Variants in ZDHHC18 observed in about 807,000 individuals in gnomAD.
The protein encoded by ZDHHC18 is zDHHC palmitoyltransferase 18.
A neutral mutation model predicts 37.5 loss-of-function variants in ZDHHC18; 23 were observed. That is an observed-to-expected ratio of 0.61 (90% CI 0.44 to 0.87). The LOEUF is 0.87. Among genes scored for constraint, ZDHHC18 ranks in the 40% least tolerant of loss-of-function variants. The pLI is 0.00. For missense variants in ZDHHC18, 406 were observed against 525.6 expected, an observed-to-expected ratio of 0.77 and a Z score of 2.22; for synonymous variants, 185 against 218.7, an observed-to-expected ratio of 0.85 and a Z score of 1.36.
At chr1:26,836,694 G>A (rs12757707) in intron 2 of ZDHHC18, among the ~76,000 whole-genome samples, 2 of 148,628 alleles carry the variant, frequency 1.3e-5, no homozygotes, top group African/African-American at 4.9e-5. Flanking sequence ...TCAGCCTCCC[G>A]AGTAGCTGGG....
At chr1:26,840,663 A>G (rs189033348) in intron 2 of ZDHHC18, among the ~76,000 whole-genome samples, 28 of 152,134 alleles carry the variant, frequency 1.8e-4, no homozygotes, top group Middle Eastern at 3.4e-3. Flanking sequence ...GCTGGTCTTG[A>G]ACTCCTGACC....
intron 7 of ZDHHC18, 60 bp downstream of exon 7, chr1:26,852,925 G>A: frequency 6.6e-7 from 1 of 1,522,378 alleles, no homozygotes; most frequent in Non-Finnish European, 9.1e-7. Flanking sequence ...TGATCAAAGT[G>A]TTCCTGGATA....
Position 26,852,876 on chromosome 1 carries a change from G to A in ZDHHC18, c.1049+11G>A, listed in dbSNP as rs148310742. ...CCCCCTACCTCCCAGGTAAGTGAGC[G>A]GGGTGCGGAAGAGGGGTAACAGGGC... On this transcript the variant is annotated intron_variant, in intron 7 of 7. Transcript: ENST00000374142. 36 of 1,612,962 alleles carry A rather than the reference G, an allele frequency of 2.2e-5. No individual in the cohort carries two copies. The highest frequency in any genetic ancestry group is 5.0e-5 in the Admixed American group (3 of 59,968).
At chr1:26,848,241 G>A (rs1166244533) in intron 2 of ZDHHC18, among the ~76,000 whole-genome samples, 1 of 152,054 alleles carries the variant, frequency 6.6e-6, no homozygotes, top group Non-Finnish European at 1.5e-5. Flanking sequence ...GAACCTGCGA[G>A]GTGGAGGTTG....
intron 1 of ZDHHC18, among the ~76,000 whole-genome samples, chr1:26,828,656 C>T (rs1255244296): frequency 6.6e-6 from 1 of 151,800 alleles, no homozygotes; most frequent in Non-Finnish European, 1.5e-5. Flanking sequence ...GTGAAGACTT[C>T]CTATAAATTA....
At chr1:26,828,011 A>T (rs2081567081) in intron 1 of ZDHHC18, among the ~76,000 whole-genome samples, 1 of 152,024 alleles carries the variant, frequency 6.6e-6, no homozygotes, top group Admixed American at 6.5e-5. Flanking sequence ...AAGACTTCGG[A>T]GTGCTTTCGT....
intron 2 of ZDHHC18, 146 bp downstream of exon 2, chr1:26,832,753 A>G (rs1459786237): frequency 9.3e-6 from 9 of 966,700 alleles, no homozygotes; most frequent in Non-Finnish European, 1.2e-5. Context: ...ACACTGGCAC[A>G]GAGGGAGACA....
intron 2 of ZDHHC18, among the ~76,000 whole-genome samples, chr1:26,839,039 G>A (rs751155512): frequency 4.6e-5 from 7 of 152,256 alleles, no homozygotes; most frequent in East Asian, 1.9e-4. Context: ...TCAGCAGCCC[G>A]CAGCCAGCCC....
chr1:26,838,122 G>A (rs542037428), intron 2 of ZDHHC18, among the ~76,000 whole-genome samples: 2 of 150,810 alleles, frequency 1.3e-5, no homozygotes, highest in Non-Finnish European at 3.0e-5. Flanking sequence ...TCAGCCTCCC[G>A]AGTAGCTGGG....
rs552267065 is a variant in ZDHHC18, at chr1:26,833,492, C to G, written c.496+885C>G. On this transcript the variant is annotated intron_variant, in intron 2 of 7. Transcript: ENST00000374142. ...ATGAGTGTGGTAGAAATACGGGGAT[C>G]TGGGAAAAGTAAGGCCAAAGCCCAG... 5.9e-5 allele frequency among the ~76,000 whole-genome samples: 9 copies of G among 152,168 alleles called. No individual in the cohort carries two copies. In the South Asian group the frequency reaches 1.9e-3, roughly 32 times the overall value.
At chr1:26,838,502 G>A (rs2081623749) in intron 2 of ZDHHC18, among the ~76,000 whole-genome samples, 2 of 152,146 alleles carry the variant, frequency 1.3e-5, no homozygotes, top group African/African-American at 4.8e-5. Context: ...CTGTGTTCTT[G>A]AGGCATTGAG....
rs559321003 is a variant in ZDHHC18 at position 26,846,186 on chromosome 1, CTA to C, written c.497-2417_497-2416del. Among the ~76,000 whole-genome samples, 510 of 121,522 alleles carry C rather than the reference CTA, an allele frequency of 4.2e-3. 1 individual carries two copies. The highest frequency in any genetic ancestry group is 7.4e-3 in the Admixed American group (83 of 11,168). The allele number at this position is 121,522 out of a possible 152,430, so 79.7% of individuals were successfully genotyped here. ...TATATGTCTATATATACACATATATCTATATACATACATATATACACGTATAT... is the reference window on the plus strand; with the variant it reads ...TATATGTCTATATATACACATATATCTATACATACATATATACACGTATAT... On this transcript the variant is annotated intron_variant, in intron 2 of 7. Coordinates refer to ENST00000374142, the MANE Select transcript of ZDHHC18 (RefSeq NM_032283.3).
chr1:26,832,379 G>A (rs1245822850), intron 1 of ZDHHC18, 68 bp from the exon 2 acceptor site: 9 of 1,578,234 alleles, frequency 5.7e-6, no homozygotes, highest in African/African-American at 2.7e-5. Flanking sequence ...CGCCTGCCAC[G>A]TGCTGTAGCC....
chr1:26,828,092 C>T (rs1354900001), intron 1 of ZDHHC18, among the ~76,000 whole-genome samples: 2 of 152,184 alleles, frequency 1.3e-5, no homozygotes, highest in East Asian at 3.8e-4. Flanking sequence ...GATTGGCCCA[C>T]ACATAATCTC....
intron 2 of ZDHHC18, among the ~76,000 whole-genome samples, chr1:26,843,643 A>G (rs1570671584): frequency 6.6e-6 from 1 of 151,638 alleles, no homozygotes; most frequent in Non-Finnish European, 1.5e-5. Context: ...TACAAAAATT[A>G]TCTGGGCGTA....
intron 2 of ZDHHC18, among the ~76,000 whole-genome samples, chr1:26,836,326 G>A (rs183142436): frequency 3.9e-5 from 6 of 152,190 alleles, no homozygotes; most frequent in Admixed American, 2.6e-4. Flanking sequence ...GACCTGCCTC[G>A]TGTTCCACCT....
At chr1:26,834,328 AC>A (rs1394627468) in intron 2 of ZDHHC18, among the ~76,000 whole-genome samples, 1 of 152,096 alleles carries the variant, frequency 6.6e-6, no homozygotes, top group Non-Finnish European at 1.5e-5. Flanking sequence ...AGTGAGGGCG[AC>A]CCTGTTAACC....
chr1:26,845,033 G>A (rs1258214446), intron 2 of ZDHHC18, among the ~76,000 whole-genome samples: 1 of 150,684 alleles, frequency 6.6e-6, no homozygotes, highest in African/African-American at 2.4e-5. Flanking sequence ...TGATTCTCCT[G>A]CCTCACCCTC....
At position 26,857,274 on chromosome 1, in the gene ZDHHC18, G is replaced by C. The variant is rs1322843619; in HGVS notation, c.*3431G>C. 6.6e-6 allele frequency: 1 copy of C among 152,298 alleles called. No homozygotes were observed. The highest frequency in any genetic ancestry group is 6.5e-5 in the Admixed American group (1 of 15,286). 9.4% of individuals were successfully genotyped at this position (152,298 alleles called of 1,614,324 possible). ...AGCCCAGCAGGTTTCCTCAGGAGCT[G>C]TCTGGGGTGTTGATGGTGGATGACG... On this transcript the variant is annotated 3_prime_UTR_variant, in exon 8 of 8. Coordinates refer to ENST00000374142, the MANE Select transcript of ZDHHC18 (RefSeq NM_032283.3).
Sources: allele counts gnomAD v4.1 joint callset (sites outside exome capture counted in the v4.1 genomes callset), GRCh38; gene constraint gnomAD v4.1.1; transcripts MANE v1.5; gene names NCBI Gene and HGNC (gene_info 2026-07-23, HGNC 2026-07-21).